NIPA1: variants seen among roughly 807,000 people sequenced by gnomAD.
The protein encoded by NIPA1 is magnesium transporter NIPA1.
Under a neutral mutation model 23.9 loss-of-function variants are expected in NIPA1, and 13 were observed. The ratio of observed to expected loss-of-function variants is 0.54; its 90% CI spans 0.35 to 0.87. NIPA1 has a LOEUF of 0.87. NIPA1 is among the 40% of genes least tolerant of loss of function. NIPA1 has a pLI of 0.01. For missense variants in NIPA1, 362 were observed against 429.7 expected (o/e 0.84, Z 1.39); for synonymous variants, 234 against 202.9 (o/e 1.15, Z -1.30).
chr15:22,805,361 A>G (rs997650880), intron 1 of NIPA1, among the ~76,000 whole-genome samples: 1 of 152,170 alleles, frequency 6.6e-6, no homozygotes, highest in Non-Finnish European at 1.5e-5. Context: ...GGTGTCAGGA[A>G]AGAATATTTA....
At position 22,826,977 on chromosome 15, in the gene NIPA1, A is replaced by G. The variant is rs1344901319; in HGVS notation, c.*2738A>G. ...ATTTATTTTAAAAAATTATGTTTTC[A>G]TCATTCATTTGAAAATGAAAAAGCC... On this transcript the variant is annotated 3_prime_UTR_variant, in exon 5 of 5. Transcript: ENST00000337435. 4 of 152,180 alleles carry G rather than the reference A, an allele frequency of 2.6e-5. No homozygotes were observed. Among genetic ancestry groups the G allele is most frequent in the African/African-American group, 7.2e-5 (3 of 41,440 alleles). 9.4% of individuals were successfully genotyped at this position (152,180 alleles called of 1,614,324 possible).
At chr15:22,808,561 A>G (rs1352721761) in intron 1 of NIPA1, among the ~76,000 whole-genome samples, 1 of 152,190 alleles carries the variant, frequency 6.6e-6, no homozygotes, top group East Asian at 1.9e-4. Flanking sequence ...TTCTGTTCAT[A>G]ATTAATAAGA....
intron 2 of NIPA1, 51 bp downstream of exon 2, chr15:22,810,847 C>T: frequency 7.0e-7 from 1 of 1,420,688 alleles, no homozygotes; most frequent in Non-Finnish European, 1.0e-6. Flanking sequence ...TAGAATCCAT[C>T]ACTGGTCTGG....
In NIPA1 at chr15:22,823,902, A is replaced by T. The variant is rs768863544; in HGVS notation, c.653A>T (p.His218Leu). ...GIGLAAQDIL[H>L]NNPSSQRALC... ...GGGCTGGCGGCCCAAGACATCTTGC[A>T]TAACAACCCGTCCAGTCAGAGAGCC... The change falls in exon 5 of 5, where the codon CAT becomes CTT. Residue 218 changes from histidine (H) to leucine (L), a missense_variant. Coordinates refer to ENST00000337435, the MANE Select transcript of NIPA1 (RefSeq NM_144599.5). 5 of 1,614,206 alleles carry T rather than the reference A, an allele frequency of 3.1e-6. No homozygotes were observed. Among genetic ancestry groups the T allele is most frequent in the Non-Finnish European group, 4.2e-6 (5 of 1,180,010 alleles).
At position 22,824,323 on chromosome 15, in the gene NIPA1, C is replaced by G; in HGVS notation, c.*84C>G. On this transcript the variant is annotated 3_prime_UTR_variant, in exon 5 of 5. Transcript: ENST00000337435. The surrounding 1 kb of genome is among the most constrained non-coding windows in gnomAD (Gnocchi z 4.1). Reference sequence around the variant, plus strand: ...GATTGGATGTGAAGTAGAAGAGGTCCTCGATCATGGTGTTAGAATTGACTG... The same window carrying G: ...GATTGGATGTGAAGTAGAAGAGGTCGTCGATCATGGTGTTAGAATTGACTG... 2.6e-6 allele frequency: 3 copies of G among 1,168,770 alleles called. No individual in the cohort carries two copies. Among genetic ancestry groups the G allele is most frequent in the South Asian group, 2.5e-5 (2 of 81,314 alleles). The allele number at this position is 1,168,770 out of a possible 1,614,324, so 72.4% of individuals were successfully genotyped here.
intron 1 of NIPA1, among the ~76,000 whole-genome samples, chr15:22,796,489 A>G (rs1289709291): frequency 1.3e-5 from 2 of 149,916 alleles, no homozygotes; most frequent in South Asian, 2.1e-4. Flanking sequence ...CTTTTTTTAG[A>G]GATAGGGTCT....
intron 1 of NIPA1, among the ~76,000 whole-genome samples, chr15:22,791,417 G>C (rs1894822783): frequency 1.3e-5 from 2 of 148,820 alleles, no homozygotes; most frequent in Non-Finnish European, 3.0e-5. Flanking sequence ...CTTCAGGGGA[G>C]TCAAGTTCTG....
rs1453544092 is a variant in NIPA1 at position 22,786,787 on chromosome 15, C to G, written c.131C>G (p.Ser44Cys). 5.3e-6 allele frequency: 7 copies of G among 1,320,190 alleles called. 1 individual carries two copies. The highest frequency in any genetic ancestry group is 6.9e-6 in the Non-Finnish European group (7 of 1,013,852). 81.8% of individuals were successfully genotyped at this position (1,320,190 alleles called of 1,614,324 possible). A position where few individuals can be genotyped will look rare whatever the true frequency, so the allele number is the denominator to read the frequency against. The change falls in exon 1 of 5, where the codon TCC becomes TGC. Residue 44 changes from serine to cysteine, a missense_variant. By Grantham distance (112) the Ser-to-Cys change is moderately radical. Coordinates refer to ENST00000337435, the MANE Select transcript of NIPA1 (RefSeq NM_144599.5). The part of the protein sequence containing the change: ...VAVVSSLVNG[S>C]TFVLQKKGIV... ...GTCGTGTCGAGCCTGGTGAACGGGT[C>G]CACGTTCGTGCTACAGAAGAAGGGC...
chr15:22,798,354 C>T (rs1894987059), intron 1 of NIPA1, among the ~76,000 whole-genome samples: 1 of 150,658 alleles, frequency 6.6e-6, no homozygotes, highest in Non-Finnish European at 1.5e-5. Context: ...ATTCTCCTGC[C>T]TCAGCCTCCC....
rs745407936 is a variant in NIPA1 at position 22,812,267 on chromosome 15, T to C, written c.317+14T>C. The C allele has an allele frequency of 1.9e-6, 3 of 1,578,212 alleles. No individual in the cohort carries two copies. Among genetic ancestry groups the C allele is most frequent in the East Asian group, 2.2e-5 (1 of 44,672 alleles). On this transcript the variant is annotated intron_variant, in intron 3 of 4. Transcript: ENST00000337435. ...AGTACCGTTCGGGTGAGAGCCAAGA[T>C]TGTGTTTGGTATTTAATGTGTAGTG...
intron 4 of NIPA1, among the ~76,000 whole-genome samples, chr15:22,821,124 C>T (rs769014855): frequency 1.3e-4 from 20 of 152,034 alleles, no homozygotes; most frequent in Non-Finnish European, 2.8e-4. Flanking sequence ...CCACCATGCC[C>T]GGCTAATTTT....
chr15:22,791,174 A>G (rs901284375), intron 1 of NIPA1, among the ~76,000 whole-genome samples: 5 of 152,128 alleles, frequency 3.3e-5, no homozygotes, highest in Non-Finnish European at 1.5e-5. Flanking sequence ...TATGAAATTA[A>G]TGAAGGCACT....
At chr15:22,803,888 C>T (rs1895142892) in intron 1 of NIPA1, among the ~76,000 whole-genome samples, 1 of 151,592 alleles carries the variant, frequency 6.6e-6, no homozygotes, top group South Asian at 2.1e-4. Context: ...ACTGTGTTAG[C>T]CAGAATGATC....
intron 1 of NIPA1, among the ~76,000 whole-genome samples, chr15:22,798,236 ATC>A (rs1420813496): frequency 3.6e-5 from 4 of 110,548 alleles, no homozygotes; most frequent in African/African-American, 7.9e-5. Flanking sequence ...TATGCTAAAA[ATC>A]TTTTTTTTTT....
In NIPA1 at chr15:22,829,615, A is replaced by G. The variant is rs1398365179; in HGVS notation, c.*5376A>G. On this transcript the variant is annotated 3_prime_UTR_variant, in exon 5 of 5. Coordinates refer to ENST00000337435, the MANE Select transcript of NIPA1 (RefSeq NM_144599.5). ...CATAGACATGTATTGGGGAGCTTCC[A>G]ATTAGCATACATAGACACATGTGTC... 1.3e-5 allele frequency: 2 copies of G among 152,200 alleles called. No individual in the cohort carries two copies. Among genetic ancestry groups the G allele is most frequent in the African/African-American group, 2.4e-5 (1 of 41,446 alleles). The allele number at this position is 152,200 out of a possible 1,614,324, so 9.4% of individuals were successfully genotyped here. A position where few individuals can be genotyped will look rare whatever the true frequency, so the allele number is the denominator to read the frequency against.
chr15:22,807,402 G>A (rs1042168090), intron 1 of NIPA1, among the ~76,000 whole-genome samples: 6 of 152,062 alleles, frequency 3.9e-5, no homozygotes, highest in Non-Finnish European at 8.8e-5. Context: ...TTCACAAAAC[G>A]TCCTGACCAA....
intron 1 of NIPA1, among the ~76,000 whole-genome samples, chr15:22,799,688 A>C (rs1398963685): frequency 6.6e-6 from 1 of 151,844 alleles, no homozygotes; most frequent in Non-Finnish European, 1.5e-5. Context: ...AGGCTGAGTC[A>C]GGAGAATGGC....
chr15:22,790,008 G>T (rs1338210348), intron 1 of NIPA1, among the ~76,000 whole-genome samples: 1 of 152,062 alleles, frequency 6.6e-6, no homozygotes, highest in Non-Finnish European at 1.5e-5. Flanking sequence ...TGGCCAGGCT[G>T]GTATTGAACT....
At chr15:22,800,157 A>G (rs929820788) in intron 1 of NIPA1, among the ~76,000 whole-genome samples, 9 of 151,836 alleles carry the variant, frequency 5.9e-5, no homozygotes. Flanking sequence ...TGGTCCCCTG[A>G]ATTACTCAAC....
Sources: allele counts gnomAD v4.1 joint callset (sites outside exome capture counted in the v4.1 genomes callset), GRCh38; gene constraint gnomAD v4.1.1; non-coding constraint Gnocchi (gnomAD v3.1); transcripts MANE v1.5; gene names NCBI Gene and HGNC (gene_info 2026-07-23, HGNC 2026-07-21).